Variants in LIMS2 observed in about 807,000 individuals in gnomAD.
The protein encoded by LIMS2 is LIM zinc finger domain containing 2, also known as LIM and senescent cell antigen-like-containing domain protein 2.
LIMS2 carries 30 observed loss-of-function variants against 45.3 expected under a neutral mutation model. The observed-to-expected ratio is 0.66, with a 90% CI of 0.50 to 0.90. The LOEUF is 0.90. Ranked by LOEUF, LIMS2 falls within the 40% of genes least tolerant of loss-of-function variation. The pLI, the probability that LIMS2 is intolerant of heterozygous loss-of-function variation, is 0.00. For missense variants in LIMS2, 485 were observed against 468.7 expected (o/e 1.03, Z -0.32); for synonymous variants, 173 against 188.0 (o/e 0.92, Z 0.65).
upstream of LIMS2, among the ~76,000 whole-genome samples, chr2:127,675,687 G>A (rs1685481171): frequency 6.6e-6 from 1 of 152,186 alleles, no homozygotes; most frequent in African/African-American, 2.4e-5. Context: ...GGAGATGGTA[G>A]GCGTGGGGGC....
chr2:127,662,648 TG>T (rs1487712270), intron 1 of LIMS2, among the ~76,000 whole-genome samples: 1 of 6,594 alleles, frequency 1.5e-4, no homozygotes, highest in African/African-American at 5.4e-4. Flanking sequence ...GGGTGGGGGG[TG>T]GGGGGTGGGG....
chr2:127,674,486 C>A, intron 1 of LIMS2: 4 of 393,056 alleles, frequency 1.0e-5, no homozygotes, highest in Non-Finnish European at 1.4e-5. Flanking sequence ...GCGCCCTGTC[C>A]CCAACCAACC....
Position 127,643,072 on chromosome 2 carries a change from C to T in LIMS2, c.360G>A (p.Arg120=), listed in dbSNP as rs1234118341. 1 of 1,574,408 alleles carries T rather than the reference C, an allele frequency of 6.4e-7. No homozygotes were observed. Among genetic ancestry groups the T allele is most frequent in the Non-Finnish European group, 8.6e-7 (1 of 1,161,304 alleles). ...ADLGFVKNAG[R]HLCRPCHNRE... The stretch of plus-strand genomic sequence containing the variant: ...GGTTGTGGCAAGGCCGGCAGAGATG[C>T]CTGCGGGAGGCGGGGGCATTAGGGG... The change falls in exon 5 of 10, where the codon AGG becomes AGA. Residue 120 remains arginine (R), a splice_region_variant and synonymous_variant. Transcript: ENST00000355119.
chr2:127,650,185 C>G (rs971697602), intron 4 of LIMS2: 20 of 999,628 alleles, frequency 2.0e-5, no homozygotes, highest in Middle Eastern at 3.1e-4. Context: ...AAGCAGAAAG[C>G]GGTGACACCC....
intron 1 of LIMS2, among the ~76,000 whole-genome samples, chr2:127,669,970 A>G (rs1040036570): frequency 1.1e-4 from 16 of 152,218 alleles, no homozygotes; most frequent in Non-Finnish European, 1.8e-4. Context: ...AAACCGGACA[A>G]CAATAACAAG....
Position 127,664,328 on chromosome 2 carries a change from G to T in LIMS2, c.12-6766C>A. The T allele has an allele frequency of 8.1e-7, 1 of 1,231,006 alleles. No homozygotes were observed. Among genetic ancestry groups the T allele is most frequent in the Non-Finnish European group, 1.0e-6 (1 of 987,896 alleles). 76.3% of individuals were successfully genotyped at this position (1,231,006 alleles called of 1,614,324 possible). A position where few individuals can be genotyped will look rare whatever the true frequency, so the allele number is the denominator to read the frequency against. ...TACCCCGTGGCTGGCGGCGGGCTCT[G>T]CCGGTGCTGGCGCCGCCGGTACAGC... On this transcript the variant is annotated intron_variant, in intron 1 of 9. Transcript: ENST00000355119. The surrounding 1 kb of genome is among the most constrained non-coding windows in gnomAD (Gnocchi z 5.5).
intron 4 of LIMS2, chr2:127,652,431 G>T: frequency 6.0e-6 from 1 of 167,734 alleles, no homozygotes. Flanking sequence ...AGGCCTCCCA[G>T]TCCTGGACAA....
intron 1 of LIMS2, among the ~76,000 whole-genome samples, chr2:127,668,695 A>C (rs1459462426): frequency 5.9e-3 from 689 of 117,008 alleles, no homozygotes; most frequent in Non-Finnish European, 7.7e-3. Flanking sequence ...AAAAAAAAAA[A>C]AAAAAAAAAA....
Position 127,639,218 on chromosome 2 carries a change from C to A in LIMS2, c.*63G>T. The A allele has an allele frequency of 6.4e-7, 1 of 1,573,736 alleles. No individual in the cohort carries two copies. Among genetic ancestry groups the A allele is most frequent in the South Asian group, 1.1e-5 (1 of 87,756 alleles). ...CACAGGTGGATGGGGACGAGGGGGC[C>A]AAGCATGGACAGCAGGAGGGGAGAA... is the stretch of plus-strand genomic sequence containing the variant. On this transcript the variant is annotated 3_prime_UTR_variant, in exon 10 of 10. Coordinates refer to ENST00000355119, the MANE Select transcript of LIMS2 (RefSeq NM_001161403.3).
chr2:127,663,417 C>T (rs192434931), intron 1 of LIMS2, among the ~76,000 whole-genome samples: 3 of 152,348 alleles, frequency 2.0e-5, no homozygotes, highest in Admixed American at 2.0e-4. Context: ...TCCCGCCCTC[C>T]ACTCGGTGCC....
Position 127,648,698 on chromosome 2 carries a change from G to A in LIMS2, c.360-5626C>T, listed in dbSNP as rs556071097. On this transcript the variant is annotated intron_variant, in intron 4 of 9. Coordinates refer to ENST00000355119, the MANE Select transcript of LIMS2 (RefSeq NM_001161403.3). The stretch of plus-strand genomic sequence containing the variant: ...GCACTTTGGGAGGCCAAGGAGAGAG[G>A]ATCACTTGAGCCCAGGAGTTTGAGA... Among the ~76,000 whole-genome samples, 89 of 152,108 alleles carry A rather than the reference G, an allele frequency of 5.9e-4. 1 individual carries two copies. The highest frequency in any genetic ancestry group is 5.2e-3 in the Admixed American group (79 of 15,286).
rs570811828 is a variant in LIMS2, at chr2:127,661,235, G to A, written c.12-3673C>T. 3.5e-4 allele frequency among the ~76,000 whole-genome samples: 53 copies of A among 152,340 alleles called. No homozygotes were observed. In the East Asian group the frequency reaches 6.0e-3, roughly 17 times the overall value. ...GCCTGGGACCTGGAGAGAGATGCTC[G>A]CTTCTGTAGGCCTCACGTTCTCTTT... On this transcript the variant is annotated intron_variant, in intron 1 of 9. Coordinates refer to ENST00000355119, the MANE Select transcript of LIMS2 (RefSeq NM_001161403.3).
chr2:127,657,621 A>ACG, intron 1 of LIMS2, 59 bp from the exon 2 acceptor site: 1 of 1,512,410 alleles, frequency 6.6e-7, no homozygotes, highest in Non-Finnish European at 8.9e-7. Context: ...GATGGGGCAC[A>ACG]CGCGGGGGCC....
intron 7 of LIMS2, 165 bp downstream of exon 7, chr2:127,640,731 C>T (rs539071386): frequency 2.2e-5 from 14 of 643,870 alleles, no homozygotes; most frequent in African/African-American, 1.8e-4. Context: ...AAGAGAGCTG[C>T]CCAGGTCTCG....
rs2105335856 is a variant in LIMS2, at chr2:127,667,649, A to G, written c.11+7365T>C. Among the ~76,000 whole-genome samples, 1 of 152,378 alleles carries G rather than the reference A, an allele frequency of 6.6e-6. No homozygotes were observed. Among genetic ancestry groups the G allele is most frequent in the Middle Eastern group, 3.4e-3 (1 of 294 alleles). ...ATTTGGCAAAATCCAACATCTTTTC[A>G]TAATAAAAGCACCCAACAAACTGGG... On this transcript the variant is annotated intron_variant, in intron 1 of 9. Coordinates refer to ENST00000355119, the MANE Select transcript of LIMS2 (RefSeq NM_001161403.3). This position sits in a 1 kb window ranked among gnomAD's most constrained non-coding sequence, Gnocchi z 4.1.
At chr2:127,649,108 AAG>A (rs1683386775) in intron 4 of LIMS2, among the ~76,000 whole-genome samples, 1 of 151,148 alleles carries the variant, frequency 6.6e-6, no homozygotes, top group African/African-American at 2.4e-5. Flanking sequence ...GAAAAGAAAA[AAG>A]GAAAATAAAG....
chr2:127,673,823 AG>A, intron 1 of LIMS2: 11 of 1,321,672 alleles, frequency 8.3e-6, no homozygotes, highest in Non-Finnish European at 1.2e-5. Context: ...CTAGAACCCT[AG>A]GGGGTGACCA....
upstream of LIMS2, among the ~76,000 whole-genome samples, chr2:127,678,799 C>T (rs1284684322): frequency 6.6e-6 from 1 of 152,022 alleles, no homozygotes; most frequent in Admixed American, 6.5e-5. This position sits in a 1 kb window ranked among gnomAD's most constrained non-coding sequence, Gnocchi z 5.3. Context: ...CGAGGGGTGA[C>T]GTTGCATTGG....
chr2:127,660,826 G>C (rs934756905), intron 1 of LIMS2, among the ~76,000 whole-genome samples: 3 of 151,764 alleles, frequency 2.0e-5, no homozygotes, highest in Non-Finnish European at 2.9e-5. Context: ...AGACCTGATA[G>C]CCAGTCTGTA....
Sources: allele counts gnomAD v4.1 joint callset (sites outside exome capture counted in the v4.1 genomes callset), GRCh38; gene constraint gnomAD v4.1.1; non-coding constraint Gnocchi (gnomAD v3.1); transcripts MANE v1.5; gene names NCBI Gene and HGNC (gene_info 2026-07-23, HGNC 2026-07-21).